FTCDNL1: variants seen among roughly 807,000 people sequenced by gnomAD.
FTCDNL1 encodes the protein formiminotransferase N-terminal subdomain-containing protein.
A neutral mutation model predicts 5.9 loss-of-function variants in FTCDNL1; 11 were observed. The observed-to-expected ratio is 1.87, with a 90% CI of 1.18 to 3.10. The LOEUF (loss-of-function observed/expected upper bound fraction) is 3.10. FTCDNL1 is among the 30% of genes most tolerant of loss of function. The pLI is 0.00. For missense variants in FTCDNL1, 115 were observed against 65.5 expected (o/e 1.76, Z -2.61); for synonymous variants, 58 against 24.8 (o/e 2.34, Z -3.99).
At chr2:199,723,488 T>G in the FTCDNL1 span, among the ~76,000 whole-genome samples, 63 of 152,266 alleles carry the variant, frequency 4.1e-4, no homozygotes, top group African/African-American at 1.4e-3. Flanking sequence ...GCTTCCAGCT[T>G]TTGCCCATTC....
the FTCDNL1 span, among the ~76,000 whole-genome samples, chr2:199,717,342 T>C: frequency 6.6e-6 from 1 of 152,048 alleles, no homozygotes; most frequent in South Asian, 2.1e-4. Context: ...TGTACATTGG[T>C]TCAGTACTTA....
At chr2:199,717,109 G>A in the FTCDNL1 span, among the ~76,000 whole-genome samples, 1 of 152,162 alleles carries the variant, frequency 6.6e-6, no homozygotes, top group Non-Finnish European at 1.5e-5. Flanking sequence ...GGAGCCCAAA[G>A]AGCAATAGAG....
the FTCDNL1 span, among the ~76,000 whole-genome samples, chr2:199,672,412 G>T: frequency 6.6e-6 from 1 of 152,148 alleles, no homozygotes; most frequent in African/African-American, 2.4e-5. Context: ...AGATGAATTT[G>T]GCTGATTTTA....
At chr2:199,690,637 C>A in the FTCDNL1 span, among the ~76,000 whole-genome samples, 1 of 152,220 alleles carries the variant, frequency 6.6e-6, no homozygotes, top group South Asian at 2.1e-4. Flanking sequence ...TGCATGCACC[C>A]CACTCAACTA....
intron 3 of FTCDNL1, among the ~76,000 whole-genome samples, chr2:199,801,535 G>A (rs949561286): frequency 6.6e-6 from 1 of 152,044 alleles, no homozygotes; most frequent in Non-Finnish European, 1.5e-5. Flanking sequence ...ACTTGCCTGT[G>A]GTCCCACCTA....
At chr2:199,692,518 A>C in the FTCDNL1 span, among the ~76,000 whole-genome samples, 3 of 152,214 alleles carry the variant, frequency 2.0e-5, no homozygotes, top group Admixed American at 2.0e-4. Context: ...GGCTTGTGAG[A>C]AGCATATTTA....
At chr2:199,665,048 A>T in the FTCDNL1 span, among the ~76,000 whole-genome samples, 30 of 152,368 alleles carry the variant, frequency 2.0e-4, no homozygotes, top group African/African-American at 6.5e-4. Flanking sequence ...AAGATGCTAC[A>T]GGAAAACACG....
At chr2:199,667,503 C>A in the FTCDNL1 span, among the ~76,000 whole-genome samples, 4 of 131,672 alleles carry the variant, frequency 3.0e-5, no homozygotes, top group East Asian at 2.3e-4. Flanking sequence ...AAACAAAAAA[C>A]AACAATACAT....
At chr2:199,676,290 A>G in the FTCDNL1 span, among the ~76,000 whole-genome samples, 16 of 152,062 alleles carry the variant, frequency 1.1e-4, no homozygotes, top group South Asian at 3.3e-3. Context: ...GTGAATTTCT[A>G]TTTTCATTTA....
intron 4 of FTCDNL1, among the ~76,000 whole-genome samples, chr2:199,817,991 T>C (rs907560503): frequency 2.0e-5 from 3 of 152,184 alleles, no homozygotes; most frequent in Non-Finnish European, 4.4e-5. Flanking sequence ...CACATATGAT[T>C]TTTATATCAG....
chr2:199,805,394 TA>T (rs1700669111), downstream of FTCDNL1, among the ~76,000 whole-genome samples: 1 of 152,038 alleles, frequency 6.6e-6, no homozygotes, highest in African/African-American at 2.4e-5. Flanking sequence ...GAGCTCAGTT[TA>T]AGACCAGCCT....
the FTCDNL1 span, among the ~76,000 whole-genome samples, chr2:199,669,614 G>A: frequency 6.6e-6 from 1 of 152,098 alleles, no homozygotes; most frequent in South Asian, 2.1e-4. Context: ...GAGTCCATGT[G>A]TTTCTGATTC....
At chr2:199,758,745 G>A (rs1156803226), downstream of FTCDNL1, among the ~76,000 whole-genome samples, 3 of 152,158 alleles carry the variant, frequency 2.0e-5, no homozygotes, top group African/African-American at 7.2e-5. Context: ...AATGGGGTAG[G>A]GGTTTCATCT....
chr2:199,816,903 T>G (rs552067950), intron 4 of FTCDNL1, among the ~76,000 whole-genome samples: 2 of 152,234 alleles, frequency 1.3e-5, no homozygotes, highest in Non-Finnish European at 2.9e-5. Context: ...TCTTTGCCCC[T>G]CCCCAACTAC....
intron 3 of FTCDNL1, among the ~76,000 whole-genome samples, chr2:199,828,973 C>T (rs951589657): frequency 2.8e-4 from 43 of 152,260 alleles, no homozygotes; most frequent in Admixed American, 6.5e-4. Context: ...GTCGTGTTAA[C>T]GTTTTATGCT....
the FTCDNL1 span, among the ~76,000 whole-genome samples, chr2:199,753,591 G>A: frequency 2.6e-5 from 4 of 152,208 alleles, no homozygotes; most frequent in South Asian, 2.1e-4. Context: ...TGGAACAAGC[G>A]TGGTCACTGT....
the FTCDNL1 span, among the ~76,000 whole-genome samples, chr2:199,741,250 C>A: frequency 6.6e-6 from 1 of 151,976 alleles, no homozygotes; most frequent in African/African-American, 2.4e-5. Flanking sequence ...CACGCTAGCC[C>A]GGGCGATAGA....
At chr2:199,770,502 C>T (rs751765002) in intron 3 of FTCDNL1, among the ~76,000 whole-genome samples, 4 of 152,192 alleles carry the variant, frequency 2.6e-5, no homozygotes, top group Non-Finnish European at 4.4e-5. Context: ...TATCAAAAAT[C>T]TACTTCTTCA....
At chr2:199,709,736 C>A in the FTCDNL1 span, among the ~76,000 whole-genome samples, 2 of 151,986 alleles carry the variant, frequency 1.3e-5, no homozygotes, top group Non-Finnish European at 2.9e-5. Context: ...GGTGAGAAAG[C>A]AGAGACAAGT....
Sources: allele counts gnomAD v4.1 joint callset (sites outside exome capture counted in the v4.1 genomes callset), GRCh38; gene constraint gnomAD v4.1.1; transcripts MANE v1.5; gene names NCBI Gene and HGNC (gene_info 2026-07-23, HGNC 2026-07-21).